The following GALNT9 variants were observed in gnomAD, a reference collection of about 807,000 sequenced individuals.
GALNT9 encodes polypeptide N-acetylgalactosaminyltransferase 9.
Under a neutral mutation model 63.1 loss-of-function variants are expected in GALNT9, and 47 were observed. The ratio of observed to expected loss-of-function variants is 0.75; its 90% CI spans 0.59 to 0.95. The LOEUF (loss-of-function observed/expected upper bound fraction) is 0.95, where lower values mean the gene tolerates loss of function less well. Ranked by LOEUF, GALNT9 falls within the 40% of genes least tolerant of loss-of-function variation. GALNT9 has a pLI of 0.00. For synonymous variants in GALNT9, 396 were observed against 365.7 expected, an observed-to-expected ratio of 1.08 and a Z score of -0.94; for missense variants, 829 against 874.8, an observed-to-expected ratio of 0.95 and a Z score of 0.66.
rs1565981986 is a variant in GALNT9, at chr12:132,201,210, T to C, written c.1315A>G (p.Arg439Gly). ...CACTTGAAGCTGCGACACTTCAGCC[T>C]CTGACGCAGGGCCAGCCTCTCAGAC... ...DVSERLALRQRLKCRSFKWYL... is the reference protein window; with the variant it reads ...DVSERLALRQGLKCRSFKWYL... Residue 439 changes from arginine (R) to glycine (G), a missense_variant, in exon 8 of 11, where the codon AGG becomes GGG. Transcript: ENST00000328957. The C allele has an allele frequency of 6.2e-7, 1 of 1,612,868 alleles. No homozygotes were observed. Among genetic ancestry groups the C allele is most frequent in the Admixed American group, 1.7e-5 (1 of 59,972 alleles).
intron 1 of GALNT9, among the ~76,000 whole-genome samples, chr12:132,290,375 G>T (rs1296551787): frequency 6.6e-6 from 1 of 152,178 alleles, no homozygotes; most frequent in Admixed American, 6.5e-5. Context: ...GGCACCATGG[G>T]AGTAAGCGAG....
intron 1 of GALNT9, among the ~76,000 whole-genome samples, chr12:132,313,819 C>CATCT (rs1566022540): frequency 9.8e-6 from 1 of 102,416 alleles, no homozygotes; most frequent in Non-Finnish European, 1.9e-5. Context: ...CCCATCCACC[C>CATCT]ACCCAGCCAC....
chr12:132,219,691 C>A (rs1441249131), intron 6 of GALNT9, among the ~76,000 whole-genome samples: 2 of 151,268 alleles, frequency 1.3e-5, no homozygotes, highest in African/African-American at 4.9e-5. Context: ...CAGGGTGACA[C>A]CCGCCCGGGT....
In GALNT9 at chr12:132,257,821, T is replaced by C. The variant is rs758964686; in HGVS notation, c.827A>G (p.Asn276Ser). 4 of 1,550,276 alleles carry C rather than the reference T, an allele frequency of 2.6e-6. No homozygotes were observed. The highest frequency in any genetic ancestry group is 3.5e-6 in the Non-Finnish European group (4 of 1,146,800). The stretch of plus-strand genomic sequence containing the variant: ...CACCTCAAACGTGCTGTACTTGATG[T>C]TGTCGATGGCTGGCAGCACGATGCG... ...RRRIVLPAIDNIKYSTFEVQQ... is the reference protein window; with the variant it reads ...RRRIVLPAIDSIKYSTFEVQQ... The change falls in exon 5 of 11, where the codon AAC becomes AGC. Residue 276 changes from asparagine (N) to serine (S), a missense_variant. Asn to Ser is a conservative substitution (Grantham distance 46). Coordinates refer to ENST00000328957, the MANE Select transcript of GALNT9 (RefSeq NM_001122636.2).
intron 1 of GALNT9, among the ~76,000 whole-genome samples, chr12:132,302,623 CTCATGCCCCA>C (rs1881342591): frequency 1.3e-5 from 2 of 152,248 alleles, no homozygotes. Context: ...CCCCCCAGAG[CTCATGCCCCA>C]TCATGCCCAC....
At chr12:132,251,757 G>A (rs1482057592) in intron 5 of GALNT9, among the ~76,000 whole-genome samples, 2 of 152,168 alleles carry the variant, frequency 1.3e-5, no homozygotes, top group African/African-American at 4.8e-5. Context: ...AATAATTTCC[G>A]AGTGGTTCTC....
intron 5 of GALNT9, among the ~76,000 whole-genome samples, chr12:132,256,035 C>G (rs1030416639): frequency 6.6e-6 from 1 of 152,178 alleles, no homozygotes; most frequent in East Asian, 1.9e-4. Context: ...CCGCACCTGC[C>G]TTAATATTTC....
At position 132,316,929 on chromosome 12, in the gene GALNT9, T is replaced by C. The variant is rs962358919; in HGVS notation, c.238+12037A>G. Among the ~76,000 whole-genome samples, 7 of 144,898 alleles carry C rather than the reference T, an allele frequency of 4.8e-5. No individual in the cohort carries two copies. Among genetic ancestry groups the C allele is most frequent in the African/African-American group, 1.0e-4 (4 of 38,562 alleles). On this transcript the variant is annotated intron_variant, in intron 1 of 10. Transcript: ENST00000328957. This position sits in a 1 kb window ranked among gnomAD's most constrained non-coding sequence, Gnocchi z 4.3. ...TACACCCCACAGAGCACAGCCTGCA[T>C]CCTACACCCCACAGAGCACAGCCTG...
chr12:132,241,105 C>T (rs1391598048), intron 6 of GALNT9, among the ~76,000 whole-genome samples: 3 of 41,132 alleles, frequency 7.3e-5, no homozygotes, highest in South Asian at 5.0e-4. Context: ...TCCCTATACC[C>T]ATTACACACA....
intron 7 of GALNT9, among the ~76,000 whole-genome samples, chr12:132,202,015 G>A (rs185086669): frequency 1.3e-5 from 2 of 152,330 alleles, no homozygotes; most frequent in Middle Eastern, 3.4e-3. Context: ...CAGACGACTT[G>A]GCCTTCACGG....
intron 3 of GALNT9, 148 bp from the exon 4 acceptor site, chr12:132,261,270 C>T (rs1879373495): frequency 7.2e-6 from 9 of 1,241,466 alleles, no homozygotes; most frequent in South Asian, 1.5e-5. Context: ...TGTGGTTCAG[C>T]GTGGAGGTCA....
At chr12:132,213,730 A>C (rs977334524) in intron 6 of GALNT9, among the ~76,000 whole-genome samples, 1 of 152,234 alleles carries the variant, frequency 6.6e-6, no homozygotes, top group East Asian at 1.9e-4. Context: ...TTCAGGGGAC[A>C]TGAGGCCCAC....
chr12:132,249,407 A>T lies in GALNT9; in HGVS notation c.960-1380T>A, dbSNP rs1878827079. 3.3e-5 allele frequency among the ~76,000 whole-genome samples: 5 copies of T among 152,238 alleles called. No homozygotes were observed. In the South Asian group the frequency reaches 8.3e-4, roughly 25 times the overall value. ...TGTCCCCAGAGACTCAGCAGTCAGAAATAAATGCCCATCGATTGTCCAAGA... is the reference window on the plus strand; with the variant it reads ...TGTCCCCAGAGACTCAGCAGTCAGATATAAATGCCCATCGATTGTCCAAGA... On this transcript the variant is annotated intron_variant, in intron 5 of 10. Coordinates refer to ENST00000328957, the MANE Select transcript of GALNT9 (RefSeq NM_001122636.2).
Position 132,291,564 on chromosome 12 carries a change from A to G in GALNT9, c.239-5134T>C, listed in dbSNP as rs1253419471. On this transcript the variant is annotated intron_variant, in intron 1 of 10. Transcript: ENST00000328957. ...CACCACCGACATCCACAGCACCCACAACCACAGCGCCCACGTCCACACCGC... is the reference window on the plus strand; with the variant it reads ...CACCACCGACATCCACAGCACCCACGACCACAGCGCCCACGTCCACACCGC... Among the ~76,000 whole-genome samples the G allele has an allele frequency of 8.0e-5, 10 of 124,946 alleles. 1 individual carries two copies. Among genetic ancestry groups the G allele is most frequent in the Admixed American group, 5.6e-4 (7 of 12,584 alleles). The allele number at this position is 124,946 out of a possible 152,430, so 82.0% of individuals were successfully genotyped here. A position where few individuals can be genotyped will look rare whatever the true frequency, so the allele number is the denominator to read the frequency against.
In GALNT9 at chr12:132,328,039, C is replaced by A. The variant is rs1287902368; in HGVS notation, c.238+927G>T. Among the ~76,000 whole-genome samples, 7 of 152,282 alleles carry A rather than the reference C, an allele frequency of 4.6e-5. No individual in the cohort carries two copies. In the South Asian group the frequency reaches 1.4e-3, roughly 32 times the overall value. On this transcript the variant is annotated intron_variant, in intron 1 of 10. Coordinates refer to ENST00000328957, the MANE Select transcript of GALNT9 (RefSeq NM_001122636.2). The stretch of plus-strand genomic sequence containing the variant: ...AAGGCAGAAGCCTGAATCATCGGCA[C>A]GGAACGGAAAGCCACACCAGCTAGT...
At position 132,322,935 on chromosome 12, in the gene GALNT9, G is replaced by A. The variant is rs1011170533; in HGVS notation, c.238+6031C>T. Among the ~76,000 whole-genome samples, 13 of 152,160 alleles carry A rather than the reference G, an allele frequency of 8.5e-5. 1 individual carries two copies. In the East Asian group the frequency reaches 1.4e-3, roughly 16 times the overall value. ...CGGCCATCGCTCTCCTGGCCGTCCC[G>A]TACGGGAAAGCCCAGGCCACAGGGG... On this transcript the variant is annotated intron_variant, in intron 1 of 10. Coordinates refer to ENST00000328957, the MANE Select transcript of GALNT9 (RefSeq NM_001122636.2).
chr12:132,209,111 G>T (rs1023952323), intron 6 of GALNT9, among the ~76,000 whole-genome samples: 1 of 152,188 alleles, frequency 6.6e-6, no homozygotes, highest in Non-Finnish European at 1.5e-5. Context: ...GTGAACAGGG[G>T]CTGGGTAAGA....
In GALNT9 at chr12:132,315,008, C is replaced by T. The variant is rs1441364034; in HGVS notation, c.238+13958G>A. Among the ~76,000 whole-genome samples the T allele has an allele frequency of 7.2e-5, 11 of 152,198 alleles. No individual in the cohort carries two copies. The highest frequency in any genetic ancestry group is 2.2e-4 in the African/African-American group (9 of 41,460). ...AGCTTTGCAGGCTCCCCTTGTCCAG[C>T]GTCCTCACAACAGAGGTGAGTGCTG... On this transcript the variant is annotated intron_variant, in intron 1 of 10. Transcript: ENST00000328957. The surrounding 1 kb of genome is among the most constrained non-coding windows in gnomAD (Gnocchi z 6.1).
At chr12:132,325,965 G>T (rs141491442) in intron 1 of GALNT9, among the ~76,000 whole-genome samples, 103 of 152,398 alleles carry the variant, frequency 6.8e-4, no homozygotes, top group South Asian at 1.2e-3. Flanking sequence ...GTGCTCCCTG[G>T]CGGTGACCTT....
Sources: gnomAD v4.1 joint callset for allele counts (sites outside exome capture counted in the v4.1 genomes callset) on GRCh38, gnomAD v4.1.1 for gene constraint, Gnocchi (gnomAD v3.1) non-coding constraint, MANE v1.5 for transcripts, NCBI Gene and HGNC (gene_info 2026-07-23, HGNC 2026-07-21) for gene names.